Variants in MYO10 observed in about 807,000 individuals in gnomAD.
The protein encoded by MYO10 is unconventional myosin-X.
Under a neutral mutation model 257.3 loss-of-function variants are expected in MYO10, and 133 were observed. The ratio of observed to expected loss-of-function variants is 0.52; its 90% CI spans 0.45 to 0.60. The LOEUF is 0.60. Ranked by LOEUF, MYO10 falls within the 20% of genes least tolerant of loss-of-function variation. The pLI is 0.00. For synonymous variants in MYO10, 1,104 were observed against 1,028.6 expected (o/e 1.07, Z -1.40); for missense variants, 2,399 against 2,635.7 (o/e 0.91, Z 1.97).
Position 16,681,866 on chromosome 5 carries a change from G to A in MYO10, c.4189+5C>T. The stretch of plus-strand genomic sequence containing the variant: ...GCAGACCGAGGAAGCAGGGCAGGCA[G>A]TCACCTCTCACGATGAATTCCTGGC... On this transcript the variant is annotated splice_donor_5th_base_variant and intron_variant, in intron 31 of 40. Transcript: ENST00000513610. The A allele has an allele frequency of 6.2e-7, 1 of 1,613,586 alleles. No individual in the cohort carries two copies. Among genetic ancestry groups the A allele is most frequent in the Non-Finnish European group, 8.5e-7 (1 of 1,179,630 alleles).
intron 2 of MYO10, among the ~76,000 whole-genome samples, chr5:16,847,679 G>A (rs780235295): frequency 6.6e-5 from 10 of 152,058 alleles, no homozygotes; most frequent in Non-Finnish European, 1.0e-4. Flanking sequence ...GGAGTGAGTC[G>A]TGATTGTGCC....
chr5:16,673,604 T>C lies in MYO10; in HGVS notation c.5172+78A>G, dbSNP rs915911594. ...CAACTGTGCAGGACAGCCACTCTAA[T>C]GCTGCACAATGTTCCTGACGCAGGT... On this transcript the variant is annotated intron_variant, in intron 36 of 40. Coordinates refer to ENST00000513610, the MANE Select transcript of MYO10 (RefSeq NM_012334.3). 6 of 1,480,222 alleles carry C rather than the reference T, an allele frequency of 4.1e-6. 1 individual carries two copies. In the Admixed American group the frequency reaches 5.9e-5, roughly 15 times the overall value. 91.7% of individuals were successfully genotyped at this position (1,480,222 alleles called of 1,614,324 possible).
chr5:16,867,914 C>T (rs1744327259), intron 2 of MYO10, among the ~76,000 whole-genome samples: 1 of 152,132 alleles, frequency 6.6e-6, no homozygotes, highest in African/African-American at 2.4e-5. Context: ...TGATTAAATC[C>T]TCAACTAGTG....
At chr5:16,802,232 G>A (rs1217424029) in intron 3 of MYO10, among the ~76,000 whole-genome samples, 3 of 152,154 alleles carry the variant, frequency 2.0e-5, no homozygotes, top group South Asian at 2.1e-4. Context: ...TCTGCAAGAG[G>A]AGAAGAGTTC....
intron 3 of MYO10, among the ~76,000 whole-genome samples, chr5:16,817,677 T>A (rs1342082077): frequency 3.9e-5 from 6 of 152,156 alleles, no homozygotes; most frequent in Non-Finnish European, 7.3e-5. Flanking sequence ...ACATTTTCCC[T>A]CGGTCAGTCT....
intron 17 of MYO10, among the ~76,000 whole-genome samples, chr5:16,761,045 C>T (rs1438492747): frequency 6.6e-6 from 1 of 152,030 alleles, no homozygotes; most frequent in East Asian, 1.9e-4. Context: ...GGCTGGACTG[C>T]AATGGCGCAA....
At chr5:16,789,166 A>T (rs776053825) in intron 4 of MYO10, among the ~76,000 whole-genome samples, 2 of 152,210 alleles carry the variant, frequency 1.3e-5, no homozygotes, top group Non-Finnish European at 2.9e-5. Flanking sequence ...ATAAAGTTTT[A>T]TTGGAACACA....
intron 19 of MYO10, among the ~76,000 whole-genome samples, chr5:16,715,353 G>A (rs1238892423): frequency 4.1e-5 from 6 of 146,702 alleles, no homozygotes; most frequent in African/African-American, 1.0e-4. Flanking sequence ...TTCAGTCAAC[G>A]ACAGACTACA....
chr5:16,899,834 C>A (rs983948504), intron 1 of MYO10, among the ~76,000 whole-genome samples: 1 of 151,526 alleles, frequency 6.6e-6, no homozygotes, highest in Non-Finnish European at 1.5e-5. Flanking sequence ...CCCAACTCTA[C>A]TAAAAATACA....
chr5:16,760,827 G>A (rs1740688336), intron 17 of MYO10, among the ~76,000 whole-genome samples: 1 of 151,994 alleles, frequency 6.6e-6, no homozygotes, highest in East Asian at 1.9e-4. Flanking sequence ...GAGAGGTCTT[G>A]GGGAAGTCAC....
In MYO10 at chr5:16,780,566, T is replaced by C. The variant is rs777192332; in HGVS notation, c.784A>G (p.Ile262Val). ...RQNPGERNYHIFYALLAGLEH... is the reference protein window; with the variant it reads ...RQNPGERNYHVFYALLAGLEH... The stretch of plus-strand genomic sequence containing the variant: ...AGCCCTGCCAGCAGTGCATAAAATA[T>C]GTGATAATTCCTTTCCCCGGGATTT... Residue 262 changes from isoleucine to valine, a missense_variant, in exon 8 of 41, where the codon ATA (isoleucine) becomes GTA (valine). Ile to Val is a conservative substitution (Grantham distance 29). Around this residue, in one of 3 missense-constraint regions of MYO10, gnomAD observed 337 missense variants for 446.8 expected, o/e 0.75. Transcript: ENST00000513610. The C allele has an allele frequency of 3.2e-6, 5 of 1,584,722 alleles. No homozygotes were observed. In the African/African-American group the frequency reaches 4.0e-5, roughly 13 times the overall value.
chr5:16,766,303 G>T, intron 10 of MYO10, 105 bp from the exon 11 acceptor site: 1 of 794,376 alleles, frequency 1.3e-6, no homozygotes, highest in South Asian at 1.6e-5. Flanking sequence ...CTCACGCAGA[G>T]TTTAGAGATT....
intron 14 of MYO10, among the ~76,000 whole-genome samples, chr5:16,763,154 C>T (rs899960392): frequency 2.0e-5 from 3 of 151,942 alleles, no homozygotes; most frequent in Non-Finnish European, 4.4e-5. Flanking sequence ...AAATTGAACC[C>T]GTTGCAATTT....
intron 19 of MYO10, among the ~76,000 whole-genome samples, chr5:16,712,971 T>C (rs1738689331): frequency 6.6e-6 from 1 of 152,190 alleles, no homozygotes; most frequent in Admixed American, 6.5e-5. Flanking sequence ...GGTGGCTGAC[T>C]GTTCTGAAGG....
intron 19 of MYO10, among the ~76,000 whole-genome samples, chr5:16,750,326 T>C (rs1036031176): frequency 9.2e-5 from 14 of 152,168 alleles, no homozygotes; most frequent in African/African-American, 1.4e-4. Flanking sequence ...GACAGCCGAA[T>C]TGACATATGC....
At chr5:16,688,570 A>G (rs2126516739) in intron 28 of MYO10, among the ~76,000 whole-genome samples, 1 of 152,062 alleles carries the variant, frequency 6.6e-6, no homozygotes, top group Admixed American at 6.6e-5. Flanking sequence ...GAGAAACCCC[A>G]TCTCTATAAA....
chr5:16,841,102 G>A (rs1199044501), intron 2 of MYO10, among the ~76,000 whole-genome samples: 2 of 149,518 alleles, frequency 1.3e-5, no homozygotes, highest in African/African-American at 2.5e-5. Flanking sequence ...CCGAGATCTC[G>A]CCATTGCACT....
chr5:16,824,074 A>T (rs1162083802), intron 2 of MYO10, among the ~76,000 whole-genome samples: 17 of 152,194 alleles, frequency 1.1e-4, no homozygotes, highest in Admixed American at 1.1e-3. Flanking sequence ...ACTGATCAAT[A>T]CGACTGAAAA....
chr5:16,888,745 T>C (rs907270238), intron 1 of MYO10, among the ~76,000 whole-genome samples: 1 of 150,750 alleles, frequency 6.6e-6, no homozygotes, highest in Non-Finnish European at 1.5e-5. Context: ...CCCCCATCTC[T>C]TAAAAAAAAA....
Sources: gnomAD v4.1 joint callset for allele counts (sites outside exome capture counted in the v4.1 genomes callset) on GRCh38, gnomAD v4.1.1 for gene constraint, gnomAD v4.1.1 regional missense constraint, MANE v1.5 for transcripts, NCBI Gene and HGNC (gene_info 2026-07-23, HGNC 2026-07-21) for gene names.